Variants in NUF2 observed in about 807,000 individuals in gnomAD.
The protein encoded by NUF2 is NUF2 component of NDC80 kinetochore complex.
NUF2 carries 34 observed loss-of-function variants against 61.8 expected under a neutral mutation model. The observed-to-expected ratio is 0.55, with a 90% CI of 0.42 to 0.73. The LOEUF is 0.73. Ranked by LOEUF, NUF2 falls within the 30% of genes least tolerant of loss-of-function variation. The pLI is 0.00. For missense variants in NUF2, 445 were observed against 539.1 expected (o/e 0.83, Z 1.73); for synonymous variants, 172 against 181.6 (o/e 0.95, Z 0.42).
chr1:163,337,388 T>C (rs1295415196), intron 6 of NUF2, among the ~76,000 whole-genome samples: 1 of 152,074 alleles, frequency 6.6e-6, no homozygotes, highest in East Asian at 1.9e-4. Context: ...TTCCCATTTG[T>C]CTTCAATAAT....
intron 1 of NUF2, among the ~76,000 whole-genome samples, chr1:163,325,522 T>C (rs1020524306): frequency 6.6e-6 from 1 of 152,248 alleles, no homozygotes; most frequent in African/African-American, 2.4e-5. Context: ...CAGTTTTTTT[T>C]CTCTCTTCTA....
chr1:163,323,099 A>T (rs1650292226), intron 1 of NUF2: 2 of 152,234 alleles, frequency 1.3e-5, no homozygotes, highest in South Asian at 4.1e-4. Flanking sequence ...GGGTAAGGTG[A>T]GTAATTGAAG....
chr1:163,339,095 A>G (rs1650855875), intron 7 of NUF2, among the ~76,000 whole-genome samples: 1 of 152,074 alleles, frequency 6.6e-6, no homozygotes, highest in South Asian at 2.1e-4. Context: ...CATTACCAGA[A>G]GGCATACAAT....
At chr1:163,353,786 T>C (rs1283013698) in intron 13 of NUF2, among the ~76,000 whole-genome samples, 1 of 152,188 alleles carries the variant, frequency 6.6e-6, no homozygotes, top group Admixed American at 6.5e-5. Flanking sequence ...GAACTTCAAA[T>C]GTTTTTGTCT....
At chr1:163,352,282 T>C (rs1311160673) in intron 13 of NUF2, among the ~76,000 whole-genome samples, 1 of 152,264 alleles carries the variant, frequency 6.6e-6, no homozygotes, top group Non-Finnish European at 1.5e-5. Flanking sequence ...CACATAATTT[T>C]GTAGTAGTCA....
At chr1:163,330,431 A>G (rs1650556543) in intron 5 of NUF2, among the ~76,000 whole-genome samples, 1 of 152,092 alleles carries the variant, frequency 6.6e-6, no homozygotes, top group South Asian at 2.1e-4. Flanking sequence ...ATTGATCTGT[A>G]TGTCTATCTT....
intron 8 of NUF2, among the ~76,000 whole-genome samples, chr1:163,339,711 G>A (rs2101679997): frequency 6.6e-6 from 1 of 152,084 alleles, no homozygotes; most frequent in South Asian, 2.1e-4. Flanking sequence ...ATTTTTTAGG[G>A]TTTTCCTAGG....
intron 2 of NUF2, 152 bp from the exon 3 acceptor site, chr1:163,327,336 G>A: frequency 1.8e-6 from 1 of 562,264 alleles, no homozygotes; most frequent in Non-Finnish European, 3.2e-6. Context: ...TTTAAAATTT[G>A]GAAAAATTAA....
At chr1:163,345,869 A>C (rs1368786298) in intron 11 of NUF2, 51 bp downstream of exon 11, 1 of 1,285,004 alleles carries the variant, frequency 7.8e-7, no homozygotes, top group Admixed American at 2.4e-5. Context: ...AGCTTACTAT[A>C]GTTCCTTGTA....
At position 163,336,833 on chromosome 1, in the gene NUF2, AT is replaced by A. The variant is rs867437216; in HGVS notation, c.423del (p.Leu142PhefsTer14). 2 of 1,608,574 alleles carry A rather than the reference AT, an allele frequency of 1.2e-6. No homozygotes were observed. The highest frequency in any genetic ancestry group is 8.5e-7 in the Non-Finnish European group (1 of 1,175,274). ...REACRETYME[F>X]LWQYKSSADK... ...AAGCATGCCGTGAAACGTATATGGAATTTCTTTGGCAATATGTAAGATTTAA... is the reference window on the plus strand; with the variant it reads ...AAGCATGCCGTGAAACGTATATGGAATTCTTTGGCAATATGTAAGATTTAA... On this transcript the variant is annotated frameshift_variant, in exon 6 of 14. Coordinates refer to ENST00000271452, the MANE Select transcript of NUF2 (RefSeq NM_145697.3). LOFTEE classifies it high-confidence loss of function.
At position 163,340,141 on chromosome 1, in the gene NUF2, A is replaced by G. The variant is rs1280642300; in HGVS notation, c.607-223A>G. On this transcript the variant is annotated intron_variant, in intron 8 of 13. Transcript: ENST00000271452. ...ATGTATTATTTTTCAAAGGGCTACA[A>G]TGTTAGGACATAAATACTAGGCCAT... The G allele has an allele frequency of 1.0e-5, 5 of 483,334 alleles. No homozygotes were observed. The East Asian group carries it at 1.1e-4, about 10-fold the overall frequency. 29.9% of individuals were successfully genotyped at this position (483,334 alleles called of 1,614,324 possible).
chr1:163,328,993 A>C, intron 5 of NUF2, 86 bp downstream of exon 5: 1 of 675,752 alleles, frequency 1.5e-6, no homozygotes, highest in South Asian at 2.5e-5. Context: ...AAAAAAAAAA[A>C]GGAAAAAAAC....
chr1:163,321,961 G>A lies in NUF2; in HGVS notation c.-272G>A, dbSNP rs1459718052. 6.6e-6 allele frequency: 1 copy of A among 152,280 alleles called. No individual in the cohort carries two copies. Among genetic ancestry groups the A allele is most frequent in the Non-Finnish European group, 1.5e-5 (1 of 68,092 alleles). 9.4% of individuals were successfully genotyped at this position (152,280 alleles called of 1,614,324 possible). On this transcript the variant is annotated 5_prime_UTR_variant, in exon 1 of 14. Transcript: ENST00000271452. ...GAATGGGGCGGGACTTCCAGTAGGA[G>A]GCGGCAAGTTTGAAAAGTGATGACG...
At chr1:163,342,713 T>G (rs796411046) in intron 9 of NUF2, among the ~76,000 whole-genome samples, 4 of 152,082 alleles carry the variant, frequency 2.6e-5, no homozygotes, top group African/African-American at 4.8e-5. Flanking sequence ...TACACACATA[T>G]AGAGAGAGAC....
At position 163,321,954 on chromosome 1, in the gene NUF2, A is replaced by C. The variant is rs1400866091; in HGVS notation, c.-279A>C. 1.3e-5 allele frequency: 2 copies of C among 152,240 alleles called. No homozygotes were observed. Among genetic ancestry groups the C allele is most frequent in the Admixed American group, 1.3e-4 (2 of 15,282 alleles). 9.4% of individuals were successfully genotyped at this position (152,240 alleles called of 1,614,324 possible). A position where few individuals can be genotyped will look rare whatever the true frequency, so the allele number is the denominator to read the frequency against. Reference sequence around the variant, plus strand: ...CTTGGCGGAATGGGGCGGGACTTCCAGTAGGAGGCGGCAAGTTTGAAAAGT... The same window carrying C: ...CTTGGCGGAATGGGGCGGGACTTCCCGTAGGAGGCGGCAAGTTTGAAAAGT... On this transcript the variant is annotated 5_prime_UTR_variant, in exon 1 of 14. Coordinates refer to ENST00000271452, the MANE Select transcript of NUF2 (RefSeq NM_145697.3).
chr1:163,350,028 G>A (rs1204439089), intron 13 of NUF2, among the ~76,000 whole-genome samples: 5 of 151,902 alleles, frequency 3.3e-5, no homozygotes, highest in African/African-American at 4.8e-5. Context: ...TTGGCTGGGC[G>A]CGGTGGCTCA....
chr1:163,327,898 G>A (rs1232784421), intron 3 of NUF2: 1 of 355,764 alleles, frequency 2.8e-6, no homozygotes, highest in Non-Finnish European at 5.0e-6. Flanking sequence ...CTCTTTTCAG[G>A]AAGAACTCCC....
intron 10 of NUF2, 123 bp from the exon 11 acceptor site, chr1:163,345,555 G>A: frequency 1.3e-6 from 1 of 789,260 alleles, no homozygotes; most frequent in Non-Finnish European, 2.0e-6. Flanking sequence ...AAATTTAATT[G>A]TTCCGTGCTC....
At chr1:163,324,883 T>TTTCTC (rs67755747) in intron 1 of NUF2, among the ~76,000 whole-genome samples, 17 of 27,414 alleles carry the variant, frequency 6.2e-4, no homozygotes, top group African/African-American at 1.6e-3. Context: ...TAGGACAAGG[T>TTTCTC]TTCTTTTCTT....
Sources: gnomAD v4.1 joint callset for allele counts (sites outside exome capture counted in the v4.1 genomes callset) on GRCh38, gnomAD v4.1.1 for gene constraint, MANE v1.5 for transcripts, NCBI Gene and HGNC (gene_info 2026-07-23, HGNC 2026-07-21) for gene names.